The following CACNB4 variants were observed in gnomAD, a reference collection of about 807,000 sequenced individuals.
The protein encoded by CACNB4 is voltage-dependent L-type calcium channel subunit beta-4.
In CACNB4, 32 loss-of-function variants were observed where a neutral mutation model predicts 71.2. That is an observed-to-expected ratio of 0.45 (90% CI 0.34 to 0.60). The LOEUF is 0.60. Among genes scored for constraint, CACNB4 ranks in the 20% least tolerant of loss-of-function variants. The pLI is 0.01. For synonymous variants in CACNB4, 231 were observed against 236.9 expected, an observed-to-expected ratio of 0.97 and a Z score of 0.23; for missense variants, 464 against 647.9, an observed-to-expected ratio of 0.72 and a Z score of 3.08.
At chr2:151,971,924 T>C in intron 2 of CACNB4, 1 of 355,742 alleles carries the variant, frequency 2.8e-6, no homozygotes, top group Non-Finnish European at 5.4e-6. Flanking sequence ...CTCAGCCTGC[T>C]GGCCACCACT....
intron 2 of CACNB4, chr2:151,972,866 T>C (rs1433508678): frequency 1.3e-5 from 2 of 152,256 alleles, no homozygotes; most frequent in Non-Finnish European, 1.5e-5. Flanking sequence ...CATTCTACCT[T>C]GCGAGGTTTC....
intron 2 of CACNB4, among the ~76,000 whole-genome samples, chr2:152,076,413 C>T (rs1384349344): frequency 1.3e-5 from 2 of 151,180 alleles, no homozygotes; most frequent in Admixed American, 6.6e-5. Context: ...CCACCCGCCT[C>T]GGCCTCCCAA....
At chr2:151,969,923 T>C (rs976262063) in intron 2 of CACNB4, 2 of 152,206 alleles carry the variant, frequency 1.3e-5, no homozygotes, top group East Asian at 1.9e-4. Flanking sequence ...TTAAAGACTA[T>C]ATTTTCCTCT....
intron 2 of CACNB4, among the ~76,000 whole-genome samples, chr2:151,941,275 AT>A (rs11346045): frequency 0.29 from 32,462 of 112,296 alleles, 3,929 homozygotes; most frequent in East Asian, 0.45. Flanking sequence ...AAAATGGTTA[AT>A]TTTTTTTTTT....
At chr2:151,994,107 G>A (rs1444783094) in intron 2 of CACNB4, among the ~76,000 whole-genome samples, 1 of 151,932 alleles carries the variant, frequency 6.6e-6, no homozygotes, top group Non-Finnish European at 1.5e-5. Context: ...AGGAGTTTGA[G>A]GCTGCAGTGA....
At chr2:151,906,260 A>G (rs1427158885) in intron 2 of CACNB4, among the ~76,000 whole-genome samples, 7 of 152,214 alleles carry the variant, frequency 4.6e-5, no homozygotes, top group African/African-American at 1.7e-4. Flanking sequence ...TTAAATAAGA[A>G]CTTCTCATGT....
At chr2:151,912,328 G>A (rs6733800) in intron 2 of CACNB4, among the ~76,000 whole-genome samples, 129,120 of 151,394 alleles carry the variant, frequency 0.85, 56,140 homozygotes, top group Non-Finnish European at 0.94. Flanking sequence ...CTGTCTTAAC[G>A]CTGCTTTAGC....
intron 2 of CACNB4, among the ~76,000 whole-genome samples, chr2:152,052,689 C>T (rs1047374181): frequency 1.2e-4 from 18 of 152,196 alleles, no homozygotes; most frequent in African/African-American, 3.9e-4. Context: ...TATAGAAATA[C>T]CATATGTGGG....
chr2:152,002,349 AT>A (rs944859359), intron 2 of CACNB4, among the ~76,000 whole-genome samples: 13 of 152,210 alleles, frequency 8.5e-5, no homozygotes, highest in Admixed American at 7.9e-4. Flanking sequence ...TAGGAAGACA[AT>A]TTTTTTAATA....
intron 3 of CACNB4, among the ~76,000 whole-genome samples, chr2:151,882,548 C>T (rs1197271918): frequency 1.3e-5 from 2 of 151,942 alleles, no homozygotes; most frequent in Admixed American, 1.3e-4. Context: ...TTTCATTGGA[C>T]AAAAAGGGTC....
intron 2 of CACNB4, among the ~76,000 whole-genome samples, chr2:152,037,958 G>C (rs1684680237): frequency 6.6e-6 from 1 of 152,222 alleles, no homozygotes; most frequent in African/African-American, 2.4e-5. Context: ...GCAACAGCTG[G>C]ATGCAGAAGG....
intron 2 of CACNB4, among the ~76,000 whole-genome samples, chr2:152,047,438 T>A (rs1685193651): frequency 6.6e-6 from 1 of 152,192 alleles, no homozygotes; most frequent in Non-Finnish European, 1.5e-5. Context: ...CTTAACCAAT[T>A]GCAAATCAAA....
rs186463772 is a variant in CACNB4 at position 152,060,403 on chromosome 2, T to C, written c.147+37927A>G. ...AGCTACAAGTAAAACTATGCTATAATGAGGTCTTCAGATTTTTTAAATTAA... is the reference window on the plus strand; with the variant it reads ...AGCTACAAGTAAAACTATGCTATAACGAGGTCTTCAGATTTTTTAAATTAA... On this transcript the variant is annotated intron_variant, in intron 2 of 13. Coordinates refer to ENST00000539935, the MANE Select transcript of CACNB4 (RefSeq NM_000726.5). Among the ~76,000 whole-genome samples, 26 of 152,358 alleles carry C rather than the reference T, an allele frequency of 1.7e-4. No individual in the cohort carries two copies. The South Asian group carries it at 2.1e-3, about 12-fold the overall frequency.
intron 9 of CACNB4, chr2:151,867,484 A>C (rs2099843461): frequency 6.6e-6 from 1 of 152,244 alleles, no homozygotes; most frequent in South Asian, 2.1e-4. Context: ...TCTAAAAGAC[A>C]TTTTATGTAT....
intron 2 of CACNB4, among the ~76,000 whole-genome samples, chr2:152,071,620 G>A (rs1467782307): frequency 6.6e-6 from 1 of 152,120 alleles, no homozygotes; most frequent in African/African-American, 2.4e-5. Context: ...GGTTGGTTTG[G>A]TTTTTAAAAA....
At chr2:152,028,623 C>T (rs574305993) in intron 2 of CACNB4, among the ~76,000 whole-genome samples, 1 of 152,220 alleles carries the variant, frequency 6.6e-6, no homozygotes, top group Admixed American at 6.5e-5. Flanking sequence ...AATTTGTTTT[C>T]CTTGGAATCT....
At chr2:151,877,481 A>C (rs1420015824) in intron 4 of CACNB4, among the ~76,000 whole-genome samples, 1 of 152,192 alleles carries the variant, frequency 6.6e-6, no homozygotes, top group Non-Finnish European at 1.5e-5. Flanking sequence ...TATAAGGATA[A>C]ATATGCACCA....
intron 2 of CACNB4, among the ~76,000 whole-genome samples, chr2:152,071,625 T>A (rs550726682): frequency 1.3e-5 from 2 of 152,366 alleles, no homozygotes; most frequent in East Asian, 3.9e-4. Context: ...GTTTGGTTTT[T>A]AAAAACTGCT....
At chr2:151,869,294 T>A in intron 8 of CACNB4, 59 bp from the exon 9 acceptor site, 2 of 972,572 alleles carry the variant, frequency 2.1e-6, no homozygotes, top group Non-Finnish European at 3.2e-6. Context: ...GAGAGAGAAG[T>A]CAAAAGGGAG....
Sources: allele counts gnomAD v4.1 joint callset (sites outside exome capture counted in the v4.1 genomes callset), GRCh38; gene constraint gnomAD v4.1.1; transcripts MANE v1.5; gene names NCBI Gene and HGNC (gene_info 2026-07-23, HGNC 2026-07-21).